Variants in CFAP91 observed in about 807,000 individuals in gnomAD.
The protein encoded by CFAP91 is cilia and flagella associated protein 91.
Under a neutral mutation model 95.9 loss-of-function variants are expected in CFAP91, and 85 were observed. The ratio of observed to expected loss-of-function variants is 0.89; its 90% CI spans 0.74 to 1.06. The LOEUF (loss-of-function observed/expected upper bound fraction) is 1.06, where lower values mean the gene tolerates loss of function less well. CFAP91 is among the 50% of genes least tolerant of loss of function. The pLI, the probability that CFAP91 is intolerant of heterozygous loss-of-function variation, is 0.00. For synonymous variants in CFAP91, 335 were observed against 327.5 expected (o/e 1.02, Z -0.25); for missense variants, 962 against 943.4 (o/e 1.02, Z -0.26).
chr3:119,739,342 C>T lies in CFAP91; in HGVS notation c.1533+16C>T, dbSNP rs528092293. On this transcript the variant is annotated intron_variant, in intron 12 of 17. Coordinates refer to ENST00000273390, the MANE Select transcript of CFAP91 (RefSeq NM_033364.4). Reference sequence around the variant, plus strand: ...TCAGAACATGGTGTGTAGGTCCAACCGCTGGCCCTGCATTTCTCTTTTGAG... The same window carrying T: ...TCAGAACATGGTGTGTAGGTCCAACTGCTGGCCCTGCATTTCTCTTTTGAG... 4.6e-5 allele frequency: 74 copies of T among 1,611,086 alleles called. No individual in the cohort carries two copies. Among genetic ancestry groups the T allele is most frequent in the East Asian group, 3.8e-4 (17 of 44,850 alleles).
At chr3:119,726,039 C>G in intron 6 of CFAP91, 132 bp from the exon 7 acceptor site, 2 of 665,544 alleles carry the variant, frequency 3.0e-6, no homozygotes, top group Non-Finnish European at 4.8e-6. Context: ...AGGCTGTTCC[C>G]TAATGTCATG....
chr3:119,715,127 G>A (rs2053548661), intron 5 of CFAP91, among the ~76,000 whole-genome samples: 1 of 151,996 alleles, frequency 6.6e-6, no homozygotes, highest in South Asian at 2.1e-4. Flanking sequence ...CTTTCTTTCA[G>A]CAGAAACCAT....
At position 119,715,675 on chromosome 3, in the gene CFAP91, A is replaced by G. The variant is rs139064408; in HGVS notation, c.614A>G (p.Tyr205Cys). ...YRDADVQTDPYSAEYVVCQDS... is the reference protein window; with the variant it reads ...YRDADVQTDPCSAEYVVCQDS... ...GATGCTGACGTTCAAACAGATCCATACTCTGCAGAATATGTAGTATGTCAG... is the reference window on the plus strand; with the variant it reads ...GATGCTGACGTTCAAACAGATCCATGCTCTGCAGAATATGTAGTATGTCAG... Residue 205 changes from tyrosine to cysteine, a missense_variant, in exon 6 of 18, where the codon TAC becomes TGC. Tyr to Cys is a radical substitution (Grantham distance 194). Coordinates refer to ENST00000273390, the MANE Select transcript of CFAP91 (RefSeq NM_033364.4). 1.9e-6 allele frequency: 3 copies of G among 1,613,714 alleles called. No individual in the cohort carries two copies. The highest frequency in any genetic ancestry group is 1.7e-5 in the Admixed American group (1 of 59,976).
rs2054638912 is a variant in CFAP91, at chr3:119,766,780, A to C, written c.*1730A>C. The C allele has an allele frequency of 6.6e-6, 1 of 152,254 alleles. No individual in the cohort carries two copies. The highest frequency in any genetic ancestry group is 2.4e-5 in the African/African-American group (1 of 41,458). 9.4% of individuals were successfully genotyped at this position (152,254 alleles called of 1,614,324 possible). ...GTAAAATTTTATTTTAATTAAAATC[A>C]ATTCATGTTTGAAAAAGGATTTAAA... On this transcript the variant is annotated 3_prime_UTR_variant, in exon 18 of 18. Transcript: ENST00000273390.
At chr3:119,738,644 C>A (rs1270488003) in intron 11 of CFAP91, among the ~76,000 whole-genome samples, 1 of 152,034 alleles carries the variant, frequency 6.6e-6, no homozygotes, top group Non-Finnish European at 1.5e-5. Flanking sequence ...CCACTGTGCC[C>A]AGCCTGACAA....
At chr3:119,737,843 A>G (rs1577228412) in intron 11 of CFAP91, among the ~76,000 whole-genome samples, 1 of 152,224 alleles carries the variant, frequency 6.6e-6, no homozygotes, top group African/African-American at 2.4e-5. Context: ...GGAGTCGAAG[A>G]GGAATGAAAT....
chr3:119,747,664 G>T lies in CFAP91; in HGVS notation c.2052-147G>T, dbSNP rs2054249160. The T allele has an allele frequency of 5.7e-6, 4 of 700,942 alleles. No individual in the cohort carries two copies. In the South Asian group the frequency reaches 8.6e-5, roughly 15 times the overall value. 43.4% of individuals were successfully genotyped at this position (700,942 alleles called of 1,614,324 possible). A position where few individuals can be genotyped will look rare whatever the true frequency, so the allele number is the denominator to read the frequency against. On this transcript the variant is annotated intron_variant, in intron 15 of 17. Transcript: ENST00000273390. ...TTTTTTTGTGGAGTTAAACAAACTT[G>T]CCAGGAATGTGATATTTCAGATCAC...
intron 10 of CFAP91, 22 bp downstream of exon 10, chr3:119,733,528 C>T (rs1250635287): frequency 1.9e-6 from 3 of 1,600,072 alleles, no homozygotes; most frequent in Non-Finnish European, 2.6e-6. Context: ...ATCTGGAGGA[C>T]AAAATGCTTC....
At chr3:119,760,997 TTAG>T (rs2054528128) in intron 17 of CFAP91, among the ~76,000 whole-genome samples, 1 of 150,868 alleles carries the variant, frequency 6.6e-6, no homozygotes, top group Admixed American at 6.6e-5. Flanking sequence ...AAACCCAAAA[TTAG>T]TAGAAGGAAA....
chr3:119,732,431 T>A lies in CFAP91; in HGVS notation c.1156T>A (p.Ser386Thr). 9 of 1,610,630 alleles carry A rather than the reference T, an allele frequency of 5.6e-6. No individual in the cohort carries two copies. Among genetic ancestry groups the A allele is most frequent in the Non-Finnish European group, 7.6e-6 (9 of 1,179,000 alleles). The change falls in exon 9 of 18, where the codon TCA becomes ACA. Residue 386 changes from serine (S) to threonine (T), a missense_variant. Physicochemically the swap from Ser to Thr is moderately conservative, Grantham distance 58 (BLOSUM62 1). Transcript: ENST00000273390. Reference sequence around the variant, plus strand: ...TCTTGGGTGTTTCCCAGACAACAACTCAGAGGACTTTGTAGTAAAAAACTA... The same window carrying A: ...TCTTGGGTGTTTCCCAGACAACAACACAGAGGACTTTGTAGTAAAAAACTA... ...SRLGCFPDNN[S>T]EDFVVKNYYL... is the part of the protein sequence containing the mutation.
Position 119,704,365 on chromosome 3 carries a change from T to G in CFAP91, c.124+1143T>G, listed in dbSNP as rs538847510. 6.6e-5 allele frequency among the ~76,000 whole-genome samples: 10 copies of G among 152,302 alleles called. 1 individual carries two copies. The South Asian group carries it at 1.9e-3, about 28-fold the overall frequency. ...AAAAGTTTGGATTGTTATAAAACAA[T>G]CTCGCCGCTAGTCATGGACAGGAAG... On this transcript the variant is annotated intron_variant, in intron 1 of 17. Coordinates refer to ENST00000273390, the MANE Select transcript of CFAP91 (RefSeq NM_033364.4).
chr3:119,725,542 C>T (rs950107443), intron 6 of CFAP91, among the ~76,000 whole-genome samples: 3 of 152,128 alleles, frequency 2.0e-5, no homozygotes, highest in African/African-American at 7.2e-5. Context: ...TTGCTTGAAA[C>T]CAGGAGTTTG....
At chr3:119,752,913 A>G (rs1028481997) in intron 17 of CFAP91, among the ~76,000 whole-genome samples, 5 of 152,234 alleles carry the variant, frequency 3.3e-5, no homozygotes, top group African/African-American at 1.2e-4. Flanking sequence ...TGGTTGGAAC[A>G]TGAAGCTAAG....
chr3:119,749,137 T>G (rs2054277605), intron 16 of CFAP91: 1 of 152,230 alleles, frequency 6.6e-6, no homozygotes, highest in South Asian at 2.1e-4. Context: ...TCTCCTGAGT[T>G]CAAAGTGAGG....
chr3:119,709,613 T>C lies in CFAP91; in HGVS notation c.444-226T>C, dbSNP rs1409871680. On this transcript the variant is annotated intron_variant, in intron 4 of 17. Transcript: ENST00000273390. ...ATTAAGAATGCACATTCATTGGCTC[T>C]ACCCTATATGTACTGAATCTCATGG... is the stretch of plus-strand genomic sequence containing the variant. Among the ~76,000 whole-genome samples, 8 of 152,244 alleles carry C rather than the reference T, an allele frequency of 5.3e-5. 1 individual carries two copies. The highest frequency in any genetic ancestry group is 5.2e-4 in the Admixed American group (8 of 15,282).
chr3:119,709,721 G>GAT, intron 4 of CFAP91, 118 bp from the exon 5 acceptor site: 2 of 762,644 alleles, frequency 2.6e-6, no homozygotes, highest in Non-Finnish European at 4.6e-6. Context: ...GAGTAACACT[G>GAT]ATATATGGGA....
chr3:119,758,924 C>T (rs1157507458), intron 17 of CFAP91, among the ~76,000 whole-genome samples: 1 of 151,978 alleles, frequency 6.6e-6, no homozygotes, highest in Non-Finnish European at 1.5e-5. Flanking sequence ...AATTCCATTC[C>T]TTTCATTAAG....
intron 8 of CFAP91, among the ~76,000 whole-genome samples, chr3:119,730,601 AGTGTGTGTGTGTGT>A (rs60453079): frequency 0.017 from 2,352 of 137,186 alleles, 47 homozygotes; most frequent in African/African-American, 0.045. Flanking sequence ...TTACTGAGAT[AGTGTGTGTGTGTGT>A]GTGTGTGTGT....
chr3:119,703,156 C>T lies in CFAP91; in HGVS notation c.58C>T (p.Arg20Trp), dbSNP rs755612934. 2.5e-6 allele frequency: 4 copies of T among 1,600,872 alleles called. No individual in the cohort carries two copies. Among genetic ancestry groups the T allele is most frequent in the South Asian group, 1.1e-5 (1 of 89,118 alleles). The change falls in exon 1 of 18, where the codon CGG (arginine) becomes TGG (tryptophan). Residue 20 changes from arginine (R) to tryptophan (W), a missense_variant. Transcript: ENST00000273390. ...PQAQPQVSQT[R>W]YRERSRAGSH... ...GGCCCAGCCGCAGGTGTCTCAAACT[C>T]GGTACCGGGAGAGGTCGCGGGCTGG... is the stretch of plus-strand genomic sequence containing the variant.
Sources: allele counts gnomAD v4.1 joint callset (sites outside exome capture counted in the v4.1 genomes callset), GRCh38; gene constraint gnomAD v4.1.1; transcripts MANE v1.5; gene names NCBI Gene and HGNC (gene_info 2026-07-23, HGNC 2026-07-21).